Variants in DIAPH2 observed in about 807,000 individuals in gnomAD.
DIAPH2 encodes protein diaphanous homolog 2.
In DIAPH2, 35 loss-of-function variants were observed where a neutral mutation model predicts 92.7. The observed-to-expected ratio is 0.38, with a 90% CI of 0.29 to 0.50. DIAPH2 has a LOEUF of 0.50. Ranked by LOEUF, DIAPH2 falls within the 20% of genes least tolerant of loss-of-function variation. The pLI is 0.94. For missense variants in DIAPH2, 701 were observed against 819.5 expected (o/e 0.86, Z 1.77); for synonymous variants, 301 against 280.4 (o/e 1.07, Z -0.73).
chrX:96,971,600 A>T (rs2065928003), intron 17 of DIAPH2, among the ~76,000 whole-genome samples: 1 of 111,601 alleles, frequency 9.0e-6, no homozygotes, highest in Non-Finnish European at 1.9e-5. Context: ...TAATCAAACC[A>T]AATCAAAACC....
chrX:96,787,328 T>C (rs1457038742), intron 4 of DIAPH2, among the ~76,000 whole-genome samples: 5 of 111,509 alleles, frequency 4.5e-5, no homozygotes, highest in African/African-American at 1.3e-4. Flanking sequence ...TTTGAACTAA[T>C]ATATTTTTGA....
intron 17 of DIAPH2, among the ~76,000 whole-genome samples, chrX:96,966,347 A>C (rs1438736368): frequency 8.9e-6 from 1 of 112,190 alleles, no homozygotes; most frequent in Non-Finnish European, 1.9e-5. Flanking sequence ...TTTAACGTTA[A>C]AAAATTGCTT....
chrX:97,029,094 G>A (rs2066354696), intron 17 of DIAPH2, among the ~76,000 whole-genome samples: 1 of 108,424 alleles, frequency 9.2e-6, no homozygotes, highest in East Asian at 2.9e-4. Flanking sequence ...TTGCCTATTT[G>A]TATATCTACT....
chrX:96,795,558 A>G (rs1185100199), intron 4 of DIAPH2, among the ~76,000 whole-genome samples: 1 of 112,107 alleles, frequency 8.9e-6, no homozygotes, highest in Non-Finnish European at 1.9e-5. Context: ...CGAAATCCCC[A>G]ATTATAATTA....
At chrX:97,469,259 A>C (rs559842398) in intron 26 of DIAPH2, among the ~76,000 whole-genome samples, 1 of 112,221 alleles carries the variant, frequency 8.9e-6, no homozygotes, top group African/African-American at 3.2e-5. Flanking sequence ...GTTTAATGGA[A>C]TAGACTGTCT....
chrX:96,849,007 G>T (rs1403871070), intron 4 of DIAPH2, among the ~76,000 whole-genome samples: 1 of 111,730 alleles, frequency 9.0e-6, no homozygotes, highest in African/African-American at 3.3e-5. Flanking sequence ...ACTGTCATTT[G>T]CTGATTTTTG....
intron 23 of DIAPH2, among the ~76,000 whole-genome samples, chrX:97,291,243 A>G (rs1470134047): frequency 9.1e-6 from 1 of 110,475 alleles, no homozygotes; most frequent in African/African-American, 3.3e-5. Flanking sequence ...CAAAAAAATT[A>G]TCCAGGCATG....
At chrX:97,411,758 C>G (rs752054195) in intron 25 of DIAPH2, among the ~76,000 whole-genome samples, 188 of 111,518 alleles carry the variant, frequency 1.7e-3, no homozygotes, top group African/African-American at 6.0e-3. Flanking sequence ...CAATCCTAGT[C>G]TCTGATAAAA....
chrX:96,884,288 C>T (rs764723185), intron 5 of DIAPH2: 5 of 1,190,516 alleles, frequency 4.2e-6, no homozygotes, highest in Admixed American at 2.3e-5. Context: ...CCCACCTTCT[C>T]CTCAGCCTGA....
chrX:97,176,734 G>A (rs1019122190), intron 22 of DIAPH2, among the ~76,000 whole-genome samples: 2 of 110,800 alleles, frequency 1.8e-5, no homozygotes, highest in African/African-American at 6.6e-5. Context: ...TCACCGTGTT[G>A]GCCAGGATGG....
chrX:97,121,727 A>G (rs2067059820), intron 21 of DIAPH2, among the ~76,000 whole-genome samples: 1 of 112,135 alleles, frequency 8.9e-6, no homozygotes, highest in South Asian at 3.7e-4. Flanking sequence ...GCAACTCATT[A>G]TTAAATATGG....
chrX:97,047,386 T>G (rs2066490879), intron 17 of DIAPH2, among the ~76,000 whole-genome samples: 1 of 109,159 alleles, frequency 9.2e-6, no homozygotes, highest in African/African-American at 3.3e-5. Context: ...TGGTTAGCCA[T>G]GATTATAATG....
intron 26 of DIAPH2, among the ~76,000 whole-genome samples, chrX:97,436,680 A>T (rs1166979515): frequency 8.9e-6 from 1 of 112,004 alleles, no homozygotes; most frequent in Non-Finnish European, 1.9e-5. Context: ...GTCTCTACAT[A>T]CACATTCAGC....
intron 17 of DIAPH2, among the ~76,000 whole-genome samples, chrX:97,012,564 C>G (rs1211246065): frequency 5.4e-5 from 6 of 112,064 alleles, no homozygotes; most frequent in African/African-American, 1.9e-4. Context: ...ATCCTCACTT[C>G]CATTTGTCAC....
chrX:96,790,709 T>C (rs1190101224), intron 4 of DIAPH2, among the ~76,000 whole-genome samples: 1 of 111,387 alleles, frequency 9.0e-6, no homozygotes, highest in Admixed American at 9.6e-5. Context: ...CAGTTAATTG[T>C]ACGTTTTGAA....
chrX:97,374,452 T>C (rs1377991831), intron 24 of DIAPH2, among the ~76,000 whole-genome samples: 1 of 112,116 alleles, frequency 8.9e-6, no homozygotes, highest in Non-Finnish European at 1.9e-5. Flanking sequence ...ATTACCCCAG[T>C]GAGAAAGAAG....
At chrX:97,267,090 C>G (rs938547388) in intron 23 of DIAPH2, among the ~76,000 whole-genome samples, 2 of 111,804 alleles carry the variant, frequency 1.8e-5, no homozygotes, top group Non-Finnish European at 3.8e-5. Context: ...GTTTCACATG[C>G]ACATAGAAAA....
chrX:97,545,522 G>GA (rs533114886), intron 26 of DIAPH2, among the ~76,000 whole-genome samples: 1,021 of 66,939 alleles, frequency 0.015, 21 homozygotes, highest in African/African-American at 0.051. Flanking sequence ...TAAGTTTGAT[G>GA]AAAAAAAAAA....
At chrX:96,691,482 A>AT (rs1477509813) in intron 1 of DIAPH2, among the ~76,000 whole-genome samples, 2 of 112,323 alleles carry the variant, frequency 1.8e-5, no homozygotes, top group African/African-American at 6.5e-5. Context: ...AAATTAACTC[A>AT]TACTGATTTA....
Sources: allele counts gnomAD v4.1 joint callset (sites outside exome capture counted in the v4.1 genomes callset), GRCh38; gene constraint gnomAD v4.1.1; transcripts MANE v1.5; gene names NCBI Gene and HGNC (gene_info 2026-07-23, HGNC 2026-07-21).